Variants in KRT86 observed in about 807,000 individuals in gnomAD.
KRT86 encodes keratin, type II cuticular Hb6.
A neutral mutation model predicts 41.2 loss-of-function variants in KRT86; 30 were observed. That is an observed-to-expected ratio of 0.73 (90% CI 0.54 to 0.99). The LOEUF is 0.99. KRT86 is among the 50% of genes least tolerant of loss of function. KRT86 has a pLI of 0.00. For missense variants in KRT86, 561 were observed against 571.4 expected (o/e 0.98, Z 0.19); for synonymous variants, 238 against 238.1 (o/e 1.00, Z 0.00).
Position 52,302,144 on chromosome 12 carries a change from A to C in KRT86, c.228A>C (p.Pro76=), listed in dbSNP as rs1313070257. 3 of 1,511,582 alleles carry C rather than the reference A, an allele frequency of 2.0e-6. No individual in the cohort carries two copies. The highest frequency in any genetic ancestry group is 2.7e-6 in the Non-Finnish European group (3 of 1,119,188). The allele number at this position is 1,511,582 out of a possible 1,614,324, so 93.6% of individuals were successfully genotyped here. The change falls in exon 3 of 11, where the codon CCA becomes CCC. Residue 76 remains proline (P), a synonymous_variant. Coordinates refer to ENST00000423955, the MANE Select transcript of KRT86 (RefSeq NM_001320198.2). The part of the protein sequence containing the change: ...RSGGVCGPSP[P]CITTVSVNES... ...GGGGCGTGTGCGGGCCCAGTCCCCCATGCATCACCACCGTGTCGGTCAACG... is the reference window on the plus strand; with the variant it reads ...GGGGCGTGTGCGGGCCCAGTCCCCCCTGCATCACCACCGTGTCGGTCAACG...
rs1216557891 is a variant in KRT86, at chr12:52,308,283, C to G, written c.1279+19C>G. Reference sequence around the variant, plus strand: ...AATGTCTGTAAGTAGTGGGGTCCGTCCCCTCCTCCCGCTGGGCGGGTCTGG... The same window carrying G: ...AATGTCTGTAAGTAGTGGGGTCCGTGCCCTCCTCCCGCTGGGCGGGTCTGG... On this transcript the variant is annotated intron_variant, in intron 10 of 10. Coordinates refer to ENST00000423955, the MANE Select transcript of KRT86 (RefSeq NM_001320198.2). 1 of 1,614,168 alleles carries G rather than the reference C, an allele frequency of 6.2e-7. No individual in the cohort carries two copies. The highest frequency in any genetic ancestry group is 8.5e-7 in the Non-Finnish European group (1 of 1,180,030).
chr12:52,305,187 A>G (rs1414847126), intron 6 of KRT86, 53 bp from the exon 7 acceptor site: 3 of 1,613,574 alleles, frequency 1.9e-6, no homozygotes, highest in African/African-American at 2.7e-5. Context: ...GAGTCAGGAC[A>G]TGGTGGGTGG....
chr12:52,296,941 G>A lies in KRT86; in HGVS notation c.-4-4972G>A, dbSNP rs112136181. Among the ~76,000 whole-genome samples, 534 of 152,318 alleles carry A rather than the reference G, an allele frequency of 3.5e-3. 4 individuals carry two copies. The highest frequency in any genetic ancestry group is 0.012 in the African/African-American group (499 of 41,570). On this transcript the variant is annotated intron_variant, in intron 2 of 10. Transcript: ENST00000423955. The stretch of plus-strand genomic sequence containing the variant: ...AGCTGTGTAGCAGAGTCTCAGGGAC[G>A]ACACTGTCCCTGCTTATGAGGGCTG...
intron 9 of KRT86, chr12:52,306,750 C>T: frequency 4.5e-6 from 1 of 221,784 alleles, no homozygotes; most frequent in South Asian, 8.2e-5. Context: ...AATGAGCATC[C>T]CAAAGTGGTA....
intron 2 of KRT86, chr12:52,291,534 G>A (rs527487684): frequency 1.5e-5 from 24 of 1,594,726 alleles, no homozygotes; most frequent in Non-Finnish European, 2.1e-5. Context: ...AAACTCCAAT[G>A]TGCTCCTCAG....
intron 2 of KRT86, chr12:52,288,415 G>A (rs1399766209): frequency 6.2e-7 from 1 of 1,614,036 alleles, no homozygotes; most frequent in Non-Finnish European, 8.5e-7. Flanking sequence ...CCTCCACGTT[G>A]GCCTCCAGGT....
intron 2 of KRT86, chr12:52,287,874 C>T: frequency 1.9e-6 from 3 of 1,604,396 alleles, no homozygotes; most frequent in Admixed American, 1.7e-5. Context: ...TGGCAGCCCT[C>T]TCTTCTCATC....
chr12:52,288,620 C>G (rs1014411500), intron 2 of KRT86, among the ~76,000 whole-genome samples: 6 of 152,162 alleles, frequency 3.9e-5, no homozygotes, highest in African/African-American at 1.4e-4. Context: ...CTGGCATCCT[C>G]TGTCCCTCTG....
intron 2 of KRT86, among the ~76,000 whole-genome samples, chr12:52,299,265 G>A (rs762423737): frequency 6.6e-6 from 1 of 152,140 alleles, no homozygotes; most frequent in African/African-American, 2.4e-5. Context: ...CCATGTTGTT[G>A]CAAATGACAG....
chr12:52,308,330 G>A (rs1158706992), intron 10 of KRT86, 66 bp downstream of exon 10: 7 of 1,612,996 alleles, frequency 4.3e-6, no homozygotes, highest in South Asian at 1.1e-5. Context: ...CAAAGGGCGC[G>A]TGGGCTCGCA....
At chr12:52,296,646 G>T (rs1222776210) in intron 2 of KRT86, among the ~76,000 whole-genome samples, 1 of 127,980 alleles carries the variant, frequency 7.8e-6, no homozygotes, top group Non-Finnish European at 1.7e-5. Context: ...GGCTGAGAAG[G>T]CAGGGCTCTG....
At chr12:52,282,694 A>G (rs73307349) in intron 2 of KRT86, among the ~76,000 whole-genome samples, 8,537 of 152,204 alleles carry the variant, frequency 0.056, 420 homozygotes, top group African/African-American at 0.13. Flanking sequence ...CCTCCCTAGT[A>G]TGACCCCCAG....
chr12:52,308,339 C>T, intron 10 of KRT86, 65 bp from the exon 11 acceptor site: 1 of 1,612,738 alleles, frequency 6.2e-7, no homozygotes, highest in Admixed American at 1.7e-5. Flanking sequence ...CGTGGGCTCG[C>T]AGCAAAGCCA....
chr12:52,288,944 T>C (rs1459322396), intron 2 of KRT86, among the ~76,000 whole-genome samples: 35 of 143,284 alleles, frequency 2.4e-4, no homozygotes, highest in Middle Eastern at 3.5e-3. Context: ...GCCTCAGCAA[T>C]AGACCACAAC....
chr12:52,306,261 C>T lies in KRT86; in HGVS notation c.1228C>T (p.Leu410=), dbSNP rs370091437. The stretch of plus-strand genomic sequence containing the variant: ...CGAGATCGCCACCTACAGGCGCCTG[C>T]TGGAGGGCGAGGAGCAGAGGTGGGT... The part of the protein sequence containing the change: ...DIEIATYRRL[L]EGEEQRLCEG... Residue 410 remains leucine, a synonymous_variant, in exon 9 of 11, where the codon CTG becomes TTG. Coordinates refer to ENST00000423955, the MANE Select transcript of KRT86 (RefSeq NM_001320198.2). 5.5e-5 allele frequency: 88 copies of T among 1,613,556 alleles called. 1 individual carries two copies. In the South Asian group the frequency reaches 9.1e-4, roughly 17 times the overall value.
At chr12:52,275,691 C>A in intron 1 of KRT86, 130 bp from the exon 2 acceptor site, 1 of 210,298 alleles carries the variant, frequency 4.8e-6, no homozygotes, top group Non-Finnish European at 8.2e-6. Flanking sequence ...AATGATCACT[C>A]CCATTTCACA....
At chr12:52,284,978 A>T (rs1937878762) in intron 2 of KRT86, among the ~76,000 whole-genome samples, 1 of 152,258 alleles carries the variant, frequency 6.6e-6, no homozygotes, top group South Asian at 2.1e-4. Flanking sequence ...GAGGTTGGCC[A>T]TAAGAGGCCC....
intron 3 of KRT86, among the ~76,000 whole-genome samples, chr12:52,302,843 G>T (rs959229255): frequency 7.2e-5 from 7 of 97,094 alleles, no homozygotes; most frequent in African/African-American, 2.8e-4. Flanking sequence ...GTGGGGGGTG[G>T]GGGGGGGGTC....
At chr12:52,287,366 C>T in intron 2 of KRT86, 1 of 1,608,924 alleles carries the variant, frequency 6.2e-7, no homozygotes, top group East Asian at 2.2e-5. Context: ...GTCCCTGGGT[C>T]TCTCTGATGC....
Sources: allele counts gnomAD v4.1 joint callset (sites outside exome capture counted in the v4.1 genomes callset), GRCh38; gene constraint gnomAD v4.1.1; transcripts MANE v1.5; gene names NCBI Gene and HGNC (gene_info 2026-07-23, HGNC 2026-07-21).